Variants in COP1 observed in about 807,000 individuals in gnomAD.
The protein encoded by COP1 is E3 ubiquitin-protein ligase COP1.
A neutral mutation model predicts 101.3 loss-of-function variants in COP1; 24 were observed. The observed-to-expected ratio is 0.24, with a 90% CI of 0.17 to 0.33. The LOEUF (loss-of-function observed/expected upper bound fraction) is 0.33. Ranked by LOEUF, COP1 falls within the 10% of genes least tolerant of loss-of-function variation. The pLI, the probability that COP1 is intolerant of heterozygous loss-of-function variation, is 1.00. For missense variants in COP1, 663 were observed against 906.2 expected (o/e 0.73, Z 3.45); for synonymous variants, 347 against 341.9 (o/e 1.01, Z -0.17).
At chr1:176,167,170 G>C (rs1290819424) in intron 3 of COP1, among the ~76,000 whole-genome samples, 1 of 152,114 alleles carries the variant, frequency 6.6e-6, no homozygotes, top group Non-Finnish European at 1.5e-5. Context: ...AGTCATTAGA[G>C]TCACACACTT....
chr1:176,046,650 A>G (rs1303639227), intron 11 of COP1, among the ~76,000 whole-genome samples: 1 of 152,138 alleles, frequency 6.6e-6, no homozygotes, highest in African/African-American at 2.4e-5. Flanking sequence ...ATCATTTGAT[A>G]TACTAAAAGT....
At chr1:175,968,511 T>G (rs1335640065) in intron 18 of COP1, 1 of 518,946 alleles carries the variant, frequency 1.9e-6, no homozygotes, top group South Asian at 1.4e-5. Flanking sequence ...TTTTCATTTG[T>G]CCACATGGCT....
chr1:176,148,392 T>TAA (rs1691908916), intron 6 of COP1, among the ~76,000 whole-genome samples: 1 of 149,960 alleles, frequency 6.7e-6, no homozygotes, highest in Non-Finnish European at 1.5e-5. Flanking sequence ...AGTTAGAAAT[T>TAA]TAAAAAAAAA....
intron 18 of COP1, among the ~76,000 whole-genome samples, chr1:175,955,771 C>CACACACACACACAAACACAT (rs1389652692): frequency 6.7e-6 from 1 of 148,642 alleles, no homozygotes; most frequent in Non-Finnish European, 1.5e-5. Flanking sequence ...ACAAACCACA[C>CACACACACACACAAACACAT]ACACACACAC....
chr1:176,103,389 G>A (rs115545673), intron 9 of COP1, among the ~76,000 whole-genome samples: 2,441 of 152,280 alleles, frequency 0.016, 40 homozygotes, highest in Non-Finnish European at 0.022. Context: ...ACTCTATAAA[G>A]CTCCTAAACA....
At chr1:175,973,319 G>C (rs1297535586) in intron 18 of COP1, among the ~76,000 whole-genome samples, 1 of 152,170 alleles carries the variant, frequency 6.6e-6, no homozygotes, top group Non-Finnish European at 1.5e-5. Context: ...GGGAAACTCA[G>C]GACTGGGTTG....
At chr1:176,004,277 T>A (rs1160760500) in intron 15 of COP1, among the ~76,000 whole-genome samples, 3 of 146,304 alleles carry the variant, frequency 2.1e-5, no homozygotes, top group Non-Finnish European at 4.5e-5. Flanking sequence ...TTTCTAGATA[T>A]ACAATCATGT....
At chr1:176,185,291 G>C (rs747552246) in intron 1 of COP1, among the ~76,000 whole-genome samples, 6 of 152,144 alleles carry the variant, frequency 3.9e-5, no homozygotes, top group Non-Finnish European at 5.9e-5. Context: ...ACAGTTTATA[G>C]ATGAGGGAAC....
At chr1:176,003,839 T>C (rs2148886922) in intron 15 of COP1, among the ~76,000 whole-genome samples, 1 of 152,182 alleles carries the variant, frequency 6.6e-6, no homozygotes, top group Non-Finnish European at 1.5e-5. Context: ...TGTGGGCTCT[T>C]TTTTGGTTCC....
chr1:176,199,913 T>C (rs1700099185), intron 1 of COP1, among the ~76,000 whole-genome samples: 1 of 152,220 alleles, frequency 6.6e-6, no homozygotes, highest in Non-Finnish European at 1.5e-5. Flanking sequence ...ACTTATTTTA[T>C]GCAAATTATA....
intron 11 of COP1, among the ~76,000 whole-genome samples, chr1:176,053,894 A>T (rs949877111): frequency 1.3e-5 from 2 of 152,120 alleles, no homozygotes; most frequent in African/African-American, 4.8e-5. Flanking sequence ...TCCCTGGCAA[A>T]ACTAACCCTA....
At chr1:176,129,493 A>G (rs1688571297) in intron 8 of COP1, among the ~76,000 whole-genome samples, 1 of 151,906 alleles carries the variant, frequency 6.6e-6, no homozygotes, top group Admixed American at 6.6e-5. Context: ...TTATCAGTAA[A>G]AGCATTTTAA....
intron 15 of COP1, 143 bp from the exon 16 acceptor site, chr1:175,989,622 CCT>C: frequency 1.8e-6 from 1 of 561,070 alleles, no homozygotes; most frequent in Non-Finnish European, 3.2e-6. Flanking sequence ...GAAAAGGAAT[CCT>C]TTTCAAATAT....
chr1:176,087,819 A>C (rs1680496595), intron 9 of COP1, among the ~76,000 whole-genome samples: 1 of 152,238 alleles, frequency 6.6e-6, no homozygotes, highest in Non-Finnish European at 1.5e-5. Flanking sequence ...TGTTTATTGC[A>C]GCACTATTCA....
intron 2 of COP1, among the ~76,000 whole-genome samples, chr1:176,180,586 T>C (rs907552488): frequency 6.6e-5 from 10 of 152,228 alleles, no homozygotes; most frequent in African/African-American, 2.2e-4. Context: ...ATTTCCTCTA[T>C]TAAATATGTA....
At chr1:175,969,371 T>C (rs1337446750) in intron 18 of COP1, among the ~76,000 whole-genome samples, 2 of 152,068 alleles carry the variant, frequency 1.3e-5, no homozygotes, top group African/African-American at 2.4e-5. Flanking sequence ...CTGAAGCAGG[T>C]CATAAAAGAA....
chr1:176,083,954 A>T (rs1050205679), intron 10 of COP1, among the ~76,000 whole-genome samples: 47 of 152,172 alleles, frequency 3.1e-4, no homozygotes, highest in African/African-American at 1.1e-3. Flanking sequence ...ACCTGGTTTT[A>T]ATTTATTATT....
At chr1:176,184,731 G>A in intron 1 of COP1, 39 bp from the exon 2 acceptor site, 1 of 1,455,934 alleles carries the variant, frequency 6.9e-7, no homozygotes, top group Non-Finnish European at 9.5e-7. Flanking sequence ...TTTTTTAAAA[G>A]TAGAGTGATT....
intron 18 of COP1, among the ~76,000 whole-genome samples, chr1:175,983,410 T>C (rs1344060654): frequency 1.8e-4 from 28 of 152,356 alleles, no homozygotes; most frequent in African/African-American, 2.4e-5. Flanking sequence ...TCTGCTGTCA[T>C]GTGAGACATG....
Sources: allele counts gnomAD v4.1 joint callset (sites outside exome capture counted in the v4.1 genomes callset), GRCh38; gene constraint gnomAD v4.1.1; transcripts MANE v1.5; gene names NCBI Gene and HGNC (gene_info 2026-07-23, HGNC 2026-07-21).